The following HEATR5A variants were observed in gnomAD, a reference collection of about 807,000 sequenced individuals.
The protein encoded by HEATR5A is HEAT repeat-containing protein 5A.
In HEATR5A, 178 loss-of-function variants were observed where a neutral mutation model predicts 218.8. That is an observed-to-expected ratio of 0.81 (90% CI 0.72 to 0.92). The LOEUF (loss-of-function observed/expected upper bound fraction) is 0.92, where lower values mean the gene tolerates loss of function less well. HEATR5A is among the 40% of genes least tolerant of loss of function. The pLI, the probability that HEATR5A is intolerant of heterozygous loss-of-function variation, is 0.00. For synonymous variants in HEATR5A, 864 were observed against 871.6 expected, an observed-to-expected ratio of 0.99 and a Z score of 0.15; for missense variants, 2,420 against 2,418.9, an observed-to-expected ratio of 1.00 and a Z score of -0.01.
chr14:31,345,914 G>GCACACACA (rs35067283), intron 19 of HEATR5A, among the ~76,000 whole-genome samples: 66 of 150,898 alleles, frequency 4.4e-4, no homozygotes, highest in African/African-American at 1.5e-3. Context: ...ATGCACACAC[G>GCACACACA]CACACACACA....
Position 31,387,261 on chromosome 14 carries a change from T to A in HEATR5A, c.1048A>T (p.Thr350Ser), listed in dbSNP as rs971848566. Residue 350 changes from threonine (T) to serine (S), a missense_variant, in exon 8 of 36, where the codon ACT becomes TCT. By Grantham distance (58) the Thr-to-Ser change is moderately conservative. Transcript: ENST00000543095. ...CGACAGCAGACGGCATCGATCTGAGTTTGGGTGGCTTTAGGGTGTGACGGT... is the reference window on the plus strand; with the variant it reads ...CGACAGCAGACGGCATCGATCTGAGATTGGGTGGCTTTAGGGTGTGACGGT... ...ASPSHPKATQTQIDAVCCRRC... is the reference protein window; with the variant it reads ...ASPSHPKATQSQIDAVCCRRC... 1.5e-5 allele frequency: 25 copies of A among 1,613,768 alleles called. No individual in the cohort carries two copies. The highest frequency in any genetic ancestry group is 2.1e-5 in the Non-Finnish European group (25 of 1,179,892).
chr14:31,325,164 T>A (rs1900223473), intron 23 of HEATR5A, among the ~76,000 whole-genome samples: 1 of 152,202 alleles, frequency 6.6e-6, no homozygotes, highest in African/African-American at 2.4e-5. Context: ...ATGCATAGAA[T>A]GGGTTAAAGG....
chr14:31,413,036 C>T (rs2031332446), intron 1 of HEATR5A, among the ~76,000 whole-genome samples: 1 of 152,094 alleles, frequency 6.6e-6, no homozygotes, highest in Non-Finnish European at 1.5e-5. Flanking sequence ...ACTCGTACCA[C>T]AAAAACTTAA....
At chr14:31,335,061 A>G (rs1900608522) in intron 22 of HEATR5A, among the ~76,000 whole-genome samples, 1 of 152,164 alleles carries the variant, frequency 6.6e-6, no homozygotes, top group African/African-American at 2.4e-5. Flanking sequence ...CTCTACCAGC[A>G]AAAAGATTAT....
At chr14:31,322,834 A>AC (rs1900152715) in intron 24 of HEATR5A, among the ~76,000 whole-genome samples, 2 of 151,718 alleles carry the variant, frequency 1.3e-5, no homozygotes, top group South Asian at 2.1e-4. Context: ...AAAAAAAAAA[A>AC]AACACAAATA....
At chr14:31,381,531 G>T (rs1036621556) in intron 10 of HEATR5A, among the ~76,000 whole-genome samples, 2 of 138,810 alleles carry the variant, frequency 1.4e-5, no homozygotes, top group Non-Finnish European at 3.0e-5. Flanking sequence ...TGCAGCCTGG[G>T]CAATAAAGAA....
intron 28 of HEATR5A, among the ~76,000 whole-genome samples, chr14:31,311,048 ACC>A (rs1899732825): frequency 1.3e-5 from 2 of 151,626 alleles, no homozygotes; most frequent in African/African-American, 4.8e-5. Context: ...CAACCAACCA[ACC>A]AACCAACCAA....
chr14:31,383,917 A>G (rs1046853725), intron 9 of HEATR5A, 146 bp from the exon 10 acceptor site: 1 of 634,028 alleles, frequency 1.6e-6, no homozygotes, highest in African/African-American at 1.8e-5. Context: ...AATTACAAAT[A>G]ATTTTCTTTT....
chr14:31,385,719 G>T (rs2030190699), intron 9 of HEATR5A, among the ~76,000 whole-genome samples: 1 of 151,868 alleles, frequency 6.6e-6, no homozygotes, highest in African/African-American at 2.4e-5. Context: ...AAACTTCATG[G>T]TAAGTGATTT....
At chr14:31,353,389 T>G (rs1901301373) in intron 16 of HEATR5A, among the ~76,000 whole-genome samples, 1 of 152,194 alleles carries the variant, frequency 6.6e-6, no homozygotes, top group African/African-American at 2.4e-5. Context: ...CTTCCTAGTT[T>G]GGGACATTTA....
intron 33 of HEATR5A, 153 bp downstream of exon 33, chr14:31,302,142 C>G: frequency 1.6e-6 from 1 of 620,676 alleles, no homozygotes; most frequent in Non-Finnish European, 2.8e-6. Context: ...AATTTTCTAT[C>G]TACTTATACA....
chr14:31,374,814 A>C lies in HEATR5A; in HGVS notation c.1861+2T>G. On this transcript the variant is annotated splice_donor_variant, in intron 12 of 35. Coordinates refer to ENST00000543095, the MANE Select transcript of HEATR5A (RefSeq NM_015473.4). LOFTEE classifies it high-confidence loss of function. Reference sequence around the variant, plus strand: ...GGAGAGAAAAGACTAAATCCAACCTACCACACAGTGCACCAGCTCGTCCTT... The same window carrying C: ...GGAGAGAAAAGACTAAATCCAACCTCCCACACAGTGCACCAGCTCGTCCTT... 1 of 1,611,204 alleles carries C rather than the reference A, an allele frequency of 6.2e-7. No homozygotes were observed. The highest frequency in any genetic ancestry group is 8.5e-7 in the Non-Finnish European group (1 of 1,178,842).
At chr14:31,368,196 T>C (rs1045788544) in intron 13 of HEATR5A, among the ~76,000 whole-genome samples, 2 of 152,080 alleles carry the variant, frequency 1.3e-5, no homozygotes, top group African/African-American at 4.8e-5. Context: ...TTCTATCCCT[T>C]TGCCAGATGA....
intron 21 of HEATR5A, among the ~76,000 whole-genome samples, chr14:31,342,328 C>T (rs1900867316): frequency 6.6e-6 from 1 of 152,098 alleles, no homozygotes; most frequent in Non-Finnish European, 1.5e-5. Context: ...TTCGAGGCTA[C>T]TGTGAGCTAT....
intron 16 of HEATR5A, among the ~76,000 whole-genome samples, chr14:31,357,041 TTTCATCCTCTC>T (rs1901449324): frequency 6.6e-6 from 1 of 152,210 alleles, no homozygotes; most frequent in Non-Finnish European, 1.5e-5. Context: ...CTAGTTCAAA[TTTCATCCTCTC>T]CATGAATCTT....
chr14:31,315,738 A>G, intron 27 of HEATR5A, 32 bp downstream of exon 27: 1 of 1,512,268 alleles, frequency 6.6e-7, no homozygotes, highest in Non-Finnish European at 8.9e-7. Context: ...AACAACTTCC[A>G]AAATTCCAGT....
At chr14:31,419,792 A>G (rs1056334424) in intron 1 of HEATR5A, among the ~76,000 whole-genome samples, 4 of 152,258 alleles carry the variant, frequency 2.6e-5, no homozygotes, top group African/African-American at 4.8e-5. Flanking sequence ...CACTTGAAAT[A>G]ACGCCGCGTT....
intron 11 of HEATR5A, among the ~76,000 whole-genome samples, chr14:31,375,559 G>A (rs1199109202): frequency 4.6e-5 from 7 of 151,926 alleles, no homozygotes; most frequent in South Asian, 2.1e-4. Flanking sequence ...ATGCCACCAC[G>A]CCCAGCTAAT....
In HEATR5A at chr14:31,349,889, G is replaced by A; in HGVS notation, c.2608C>T (p.Pro870Ser). The change falls in exon 18 of 36, where the codon CCC (proline) becomes TCC (serine). Residue 870 changes from proline (P) to serine (S), a missense_variant. Pro to Ser is a moderately conservative substitution (Grantham distance 74, BLOSUM62 -1). Coordinates refer to ENST00000543095, the MANE Select transcript of HEATR5A (RefSeq NM_015473.4). ...TCTGCAGCTGCACATCTCAGCAAGG[G>A]GTTGGGGCTTTCTAGGGCTCCCATA... ...LVMGALESPNPLLRCAAAESW... is the reference protein window; with the variant it reads ...LVMGALESPNSLLRCAAAESW... 3.7e-6 allele frequency: 6 copies of A among 1,612,290 alleles called. No individual in the cohort carries two copies. Among genetic ancestry groups the A allele is most frequent in the Non-Finnish European group, 5.1e-6 (6 of 1,178,852 alleles).
Sources: gnomAD v4.1 joint callset for allele counts (sites outside exome capture counted in the v4.1 genomes callset) on GRCh38, gnomAD v4.1.1 for gene constraint, MANE v1.5 for transcripts, NCBI Gene and HGNC (gene_info 2026-07-23, HGNC 2026-07-21) for gene names.